PLXDC2: variants seen among roughly 807,000 people sequenced by gnomAD.
PLXDC2 encodes the protein plexin domain-containing protein 2.
In PLXDC2, 40 loss-of-function variants were observed where a neutral mutation model predicts 68.9. The ratio of observed to expected loss-of-function variants is 0.58; its 90% CI spans 0.45 to 0.76. The LOEUF (loss-of-function observed/expected upper bound fraction) is 0.76. Among genes scored for constraint, PLXDC2 ranks in the 30% least tolerant of loss-of-function variants. The pLI, the probability that PLXDC2 is intolerant of heterozygous loss-of-function variation, is 0.00. For synonymous variants in PLXDC2, 243 were observed against 234.2 expected (o/e 1.04, Z -0.34); for missense variants, 644 against 661.9 (o/e 0.97, Z 0.30).
At chr10:20,012,952 C>T (rs1263046638) in intron 2 of PLXDC2, among the ~76,000 whole-genome samples, 2 of 152,116 alleles carry the variant, frequency 1.3e-5, no homozygotes, top group Non-Finnish European at 2.9e-5. Context: ...CAAGCTTTAG[C>T]TATTAAATTG....
chr10:19,869,051 G>A (rs1837481223), intron 1 of PLXDC2, among the ~76,000 whole-genome samples: 1 of 152,108 alleles, frequency 6.6e-6, no homozygotes, highest in African/African-American at 2.4e-5. Flanking sequence ...AGGCTTTAGA[G>A]TTAGAGAACT....
chr10:20,081,586 A>G (rs983900552), intron 4 of PLXDC2, among the ~76,000 whole-genome samples: 27 of 152,226 alleles, frequency 1.8e-4, no homozygotes, highest in African/African-American at 6.5e-4. Context: ...ATGTCAAACT[A>G]GGAAGCTCGG....
intron 2 of PLXDC2, among the ~76,000 whole-genome samples, chr10:20,022,529 G>A (rs1835329819): frequency 6.6e-6 from 1 of 152,008 alleles, no homozygotes; most frequent in Non-Finnish European, 1.5e-5. Flanking sequence ...TGTATTCTGT[G>A]GCCATTATTT....
chr10:19,941,297 C>T (rs1386587193), intron 1 of PLXDC2, among the ~76,000 whole-genome samples: 3 of 152,168 alleles, frequency 2.0e-5, no homozygotes, highest in African/African-American at 7.2e-5. Flanking sequence ...ACATGGATCC[C>T]TGAACCAAGA....
At chr10:20,014,891 T>C (rs1765810230) in intron 2 of PLXDC2, among the ~76,000 whole-genome samples, 1 of 79,818 alleles carries the variant, frequency 1.3e-5, no homozygotes, top group Non-Finnish European at 3.6e-5. Flanking sequence ...AAAGAGAACA[T>C]TTTTTTTTTC....
At chr10:20,151,375 A>G (rs551126026) in intron 6 of PLXDC2, among the ~76,000 whole-genome samples, 1 of 152,326 alleles carries the variant, frequency 6.6e-6, no homozygotes, top group South Asian at 2.1e-4. Flanking sequence ...GTATTTTACA[A>G]TAGCGGTGGT....
intron 4 of PLXDC2, among the ~76,000 whole-genome samples, chr10:20,081,300 G>C (rs1836552420): frequency 6.6e-6 from 1 of 152,088 alleles, no homozygotes; most frequent in South Asian, 2.1e-4. Flanking sequence ...AGGAAGCAGG[G>C]AGGGGGAAAA....
At chr10:20,215,486 GACTGCCTCCCTTTGCAA>G (rs2131861429) in intron 10 of PLXDC2, among the ~76,000 whole-genome samples, 1 of 152,050 alleles carries the variant, frequency 6.6e-6, no homozygotes, top group Non-Finnish European at 1.5e-5. Flanking sequence ...CCTCTTCTGG[GACTGCCTCCCTTTGCAA>G]ACTGGAATTT....
intron 7 of PLXDC2, among the ~76,000 whole-genome samples, chr10:20,165,799 CTGTT>C (rs979790177): frequency 6.6e-6 from 1 of 152,122 alleles, no homozygotes; most frequent in Non-Finnish European, 1.5e-5. Flanking sequence ...CTTTGGACAA[CTGTT>C]TGTTATATTA....
At chr10:19,855,350 CT>C (rs2131329969) in intron 1 of PLXDC2, among the ~76,000 whole-genome samples, 1 of 152,216 alleles carries the variant, frequency 6.6e-6, no homozygotes, top group African/African-American at 2.4e-5. Context: ...GGTTTTTTCA[CT>C]TTTCCCCCCT....
chr10:19,973,562 C>A (rs1357260418), intron 1 of PLXDC2, among the ~76,000 whole-genome samples: 2 of 152,068 alleles, frequency 1.3e-5, no homozygotes, highest in Non-Finnish European at 2.9e-5. Flanking sequence ...TAGAAACACA[C>A]ACAAAAAATT....
intron 1 of PLXDC2, among the ~76,000 whole-genome samples, chr10:19,839,635 G>GCTTTTT (rs11433960): frequency 1.4e-5 from 2 of 147,290 alleles, no homozygotes; most frequent in Non-Finnish European, 1.5e-5. Flanking sequence ...ACATGTTGGT[G>GCTTTTT]TTTTTTTTTT....
chr10:19,916,543 G>C (rs1833370241), intron 1 of PLXDC2, among the ~76,000 whole-genome samples: 1 of 152,014 alleles, frequency 6.6e-6, no homozygotes, highest in Non-Finnish European at 1.5e-5. Flanking sequence ...AATGGTAATG[G>C]TAGCCAACAA....
chr10:20,026,318 T>C (rs969367118), intron 2 of PLXDC2, among the ~76,000 whole-genome samples: 3 of 152,156 alleles, frequency 2.0e-5, no homozygotes, highest in African/African-American at 7.2e-5. Flanking sequence ...TGACATTTAA[T>C]CTAAAAAGGC....
chr10:19,893,820 T>A (rs1338937713), intron 1 of PLXDC2, among the ~76,000 whole-genome samples: 3 of 152,234 alleles, frequency 2.0e-5, no homozygotes, highest in African/African-American at 7.2e-5. Flanking sequence ...CCTCAACTAG[T>A]TACACAGCTC....
intron 1 of PLXDC2, among the ~76,000 whole-genome samples, chr10:19,889,599 T>G (rs1837913190): frequency 6.6e-6 from 1 of 152,226 alleles, no homozygotes. Flanking sequence ...TTCTTTTCCT[T>G]TCCCTATCTG....
intron 1 of PLXDC2, among the ~76,000 whole-genome samples, chr10:19,966,370 A>AAAAAATATATGTGCACATATAT (rs1834253535): frequency 7.5e-6 from 1 of 133,476 alleles, no homozygotes; most frequent in Non-Finnish European, 1.7e-5. Context: ...CACATATATA[A>AAAAAATATATGTGCACATATAT]AAAATATATA....
chr10:19,841,973 C>A (rs779108125), intron 1 of PLXDC2, among the ~76,000 whole-genome samples: 1 of 151,760 alleles, frequency 6.6e-6, no homozygotes, highest in Admixed American at 6.6e-5. Context: ...TCTGTCATGC[C>A]CCACATTAAA....
At chr10:20,205,309 T>C (rs1408552123) in intron 9 of PLXDC2, among the ~76,000 whole-genome samples, 1 of 152,142 alleles carries the variant, frequency 6.6e-6, no homozygotes, top group Admixed American at 6.6e-5. Flanking sequence ...TAGCTCTCTA[T>C]TAATTTGTTT....
Sources: allele counts gnomAD v4.1 joint callset (sites outside exome capture counted in the v4.1 genomes callset), GRCh38; gene constraint gnomAD v4.1.1; transcripts MANE v1.5; gene names NCBI Gene and HGNC (gene_info 2026-07-23, HGNC 2026-07-21).